Variants in P4HA3 observed in about 807,000 individuals in gnomAD.
The protein encoded by P4HA3 is prolyl 4-hydroxylase subunit alpha-3.
In P4HA3, 60 loss-of-function variants were observed where a neutral mutation model predicts 66.7. The ratio of observed to expected loss-of-function variants is 0.90; its 90% CI spans 0.73 to 1.12. P4HA3 has a LOEUF of 1.12. Ranked by LOEUF, P4HA3 falls within the 50% of genes most tolerant of loss-of-function variation. P4HA3 has a pLI of 0.00. For synonymous variants in P4HA3, 263 were observed against 274.6 expected (o/e 0.96, Z 0.42); for missense variants, 683 against 685.8 (o/e 1.00, Z 0.05).
At chr11:74,304,721 T>C (rs1712701841) in intron 1 of P4HA3, among the ~76,000 whole-genome samples, 1 of 152,136 alleles carries the variant, frequency 6.6e-6, no homozygotes, top group African/African-American at 2.4e-5. Context: ...CACAAAGTCT[T>C]TTTCTCCTGT....
chr11:74,289,170 A>G, intron 4 of P4HA3, 40 bp from the exon 5 acceptor site: 1 of 1,467,860 alleles, frequency 6.8e-7, no homozygotes, highest in South Asian at 1.3e-5. Flanking sequence ...CATTAACTTC[A>G]CTGAGGATAT....
At chr11:74,275,114 C>A (rs1270065814) in intron 9 of P4HA3, among the ~76,000 whole-genome samples, 1 of 152,062 alleles carries the variant, frequency 6.6e-6, no homozygotes, top group African/African-American at 2.4e-5. Flanking sequence ...AATATTTTCT[C>A]CTAGTTGGTG....
chr11:74,298,147 G>C lies in P4HA3; in HGVS notation c.717+65C>G, dbSNP rs1405414282. 2.6e-6 allele frequency: 4 copies of C among 1,536,212 alleles called. No homozygotes were observed. The African/African-American group carries it at 5.5e-5, about 21-fold the overall frequency. On this transcript the variant is annotated intron_variant, in intron 4 of 12. Coordinates refer to ENST00000331597, the MANE Select transcript of P4HA3 (RefSeq NM_182904.5). ...GAAGACATGAAAATACTTAGAAATT[G>C]TAAAGCAGCTATAAAGGATTTCACT...
intron 4 of P4HA3, among the ~76,000 whole-genome samples, chr11:74,290,745 A>C (rs533245456): frequency 6.6e-6 from 1 of 152,344 alleles, no homozygotes; most frequent in South Asian, 2.1e-4. Flanking sequence ...GTGAAAGATC[A>C]GATAGTTGTA....
chr11:74,256,663 T>G (rs2135692774), intron 15 of P4HA3, among the ~76,000 whole-genome samples: 1 of 152,102 alleles, frequency 6.6e-6, no homozygotes, highest in East Asian at 1.9e-4. Flanking sequence ...AAGAAGGAGA[T>G]CCCAGAATCC....
In P4HA3 at chr11:74,299,066, C is replaced by T. The variant is rs567227316; in HGVS notation, c.568-705G>A. Among the ~76,000 whole-genome samples the T allele has an allele frequency of 5.9e-4, 90 of 152,280 alleles. No individual in the cohort carries two copies. The East Asian group carries it at 0.01, about 18-fold the overall frequency. ...TGTCCTGTAAGAGCTTAAATCAAGA[C>T]GGGGCACATGAGTAAGCCAATAATT... On this transcript the variant is annotated intron_variant, in intron 3 of 12. Transcript: ENST00000331597.
rs746736666 is a variant in P4HA3 at position 74,286,331 on chromosome 11, C to T, written c.830G>A (p.Ser277Asn). 9 of 1,604,056 alleles carry T rather than the reference C, an allele frequency of 5.6e-6. No individual in the cohort carries two copies. In the East Asian group the frequency reaches 6.7e-5, roughly 12 times the overall value. ...VLKYERLLAE[S>N]PNHVVAEAVI... ...AGCCTCAGCTACCACGTGGTTGGGGCTCTCTGCCAAGAGCCTTTCATATTT... is the reference window on the plus strand; with the variant it reads ...AGCCTCAGCTACCACGTGGTTGGGGTTCTCTGCCAAGAGCCTTTCATATTT... The change falls in exon 6 of 13, where the codon AGC (serine) becomes AAC (asparagine). Residue 277 changes from serine to asparagine, a missense_variant. By Grantham distance (46) the Ser-to-Asn change is conservative. Coordinates refer to ENST00000331597, the MANE Select transcript of P4HA3 (RefSeq NM_182904.5).
At chr11:74,287,077 T>C in intron 5 of P4HA3, 2 of 1,162,716 alleles carry the variant, frequency 1.7e-6, no homozygotes, top group South Asian at 3.5e-5. Flanking sequence ...ACAGGGCCCT[T>C]GGGAAACCCA....
At position 74,268,250 on chromosome 11, in the gene P4HA3, A is replaced by G. The variant is rs1338966116; in HGVS notation, c.1468-9T>C. On this transcript the variant is annotated splice_polypyrimidine_tract_variant and intron_variant, in intron 11 of 12. Coordinates refer to ENST00000331597, the MANE Select transcript of P4HA3 (RefSeq NM_182904.5). ...CAAAACAGTGCTGCATTCTGAAACA[A>G]GAGGGCCCAGCCCCAGGGAGGGTCA... 1 of 1,611,654 alleles carries G rather than the reference A, an allele frequency of 6.2e-7. No individual in the cohort carries two copies. Among genetic ancestry groups the G allele is most frequent in the Non-Finnish European group, 8.5e-7 (1 of 1,178,618 alleles).
In P4HA3 at chr11:74,289,096, CGA is replaced by C. The variant is rs775890280; in HGVS notation, c.750_751del (p.Arg251GlyfsTer9). 18 of 1,580,126 alleles carry C rather than the reference CGA, an allele frequency of 1.1e-5. No homozygotes were observed. The highest frequency in any genetic ancestry group is 1.4e-5 in the Non-Finnish European group (16 of 1,165,800). On this transcript the variant is annotated frameshift_variant, in exon 5 of 13. Coordinates refer to ENST00000331597, the MANE Select transcript of P4HA3 (RefSeq NM_182904.5). LOFTEE classifies it high-confidence loss of function. Reference sequence around the variant, plus strand: ...TTACGTACTGTAGAGAAGAAACTCCCGAGAGAGGCTGAGGGCACACGAAACAT... The same window carrying C: ...TTACGTACTGTAGAGAAGAAACTCCCGAGAGGCTGAGGGCACACGAAACAT...
At chr11:74,279,568 CTTAA>C (rs1397186784) in intron 7 of P4HA3, 116 bp from the exon 8 acceptor site, 2 of 954,542 alleles carry the variant, frequency 2.1e-6, no homozygotes, top group Non-Finnish European at 3.4e-6. Context: ...CCAGTTCCTC[CTTAA>C]TTAGAGGACA....
downstream of P4HA3, among the ~76,000 whole-genome samples, chr11:74,265,315 T>G (rs1161268349): frequency 6.6e-6 from 1 of 152,178 alleles, no homozygotes; most frequent in Non-Finnish European, 1.5e-5. Flanking sequence ...TGGTGTGCTC[T>G]GCAGAAATCC....
chr11:74,277,290 A>T (rs1860433843), intron 8 of P4HA3, 146 bp from the exon 9 acceptor site: 8 of 1,058,304 alleles, frequency 7.6e-6, no homozygotes, highest in Non-Finnish European at 1.1e-5. Context: ...GAGGGAAGAC[A>T]GACATAAATG....
rs750961678 is a variant in P4HA3 at position 74,276,992 on chromosome 11, T to C, written c.1328A>G (p.His443Arg). 6.8e-6 allele frequency: 11 copies of C among 1,613,254 alleles called. 1 individual carries two copies. Among genetic ancestry groups the C allele is most frequent in the South Asian group, 6.6e-5 (6 of 90,994 alleles). Residue 443 changes from histidine (H) to arginine (R), a missense_variant, in exon 9 of 13, where the codon CAT becomes CGT. Physicochemically the swap from His to Arg is conservative, Grantham distance 29. Transcript: ENST00000331597. The part of the protein sequence containing the change: ...IGGHYEPHFD[H>R]ATSPSSPLYR... ...CATTGACTCCACCATTACCGTAGCA[T>C]GGTCAAAGTGAGGCTCATAGTGTCC...
chr11:74,282,139 A>AC (rs1276684814), intron 7 of P4HA3, among the ~76,000 whole-genome samples: 10 of 150,586 alleles, frequency 6.6e-5, no homozygotes, highest in African/African-American at 2.4e-4. Context: ...TTAAAAAAAA[A>AC]AAACAAAAAA....
At chr11:74,253,623 C>T in intron 15 of P4HA3, 1 of 1,233,244 alleles carries the variant, frequency 8.1e-7, no homozygotes, top group Admixed American at 1.7e-5. Flanking sequence ...GTGACACTGG[C>T]TCCCGGTAGA....
rs1417393080 is a variant in P4HA3, at chr11:74,267,302, T to C, written c.1581A>G (p.Ile527Met). 1 of 1,614,224 alleles carries C rather than the reference T, an allele frequency of 6.2e-7. No individual in the cohort carries two copies. Among genetic ancestry groups the C allele is most frequent in the South Asian group, 1.1e-5 (1 of 91,086 alleles). ...VGDKWVANKWIHEYGQEFRRP... is the reference protein window; with the variant it reads ...VGDKWVANKWMHEYGQEFRRP... The stretch of plus-strand genomic sequence containing the variant: ...TGCGGAATTCCTGTCCATACTCATG[T>C]ATCCACTTGTTGGCCACTGGGAGAG... Residue 527 changes from isoleucine to methionine, a missense_variant, in exon 13 of 13, where the codon ATA becomes ATG. Ile to Met is a conservative substitution (Grantham distance 10). Coordinates refer to ENST00000331597, the MANE Select transcript of P4HA3 (RefSeq NM_182904.5).
chr11:74,255,081 C>G (rs1440733955), intron 15 of P4HA3, among the ~76,000 whole-genome samples: 2 of 152,170 alleles, frequency 1.3e-5, no homozygotes, highest in Non-Finnish European at 2.9e-5. Flanking sequence ...CCTGTCTCTC[C>G]CAGATGACCA....
intron 14 of P4HA3, among the ~76,000 whole-genome samples, chr11:74,260,908 T>C (rs1859896015): frequency 1.3e-5 from 2 of 152,096 alleles, no homozygotes; most frequent in Admixed American, 1.3e-4. Context: ...TAATCATGTC[T>C]CACGACTTTG....
Sources: allele counts gnomAD v4.1 joint callset (sites outside exome capture counted in the v4.1 genomes callset), GRCh38; gene constraint gnomAD v4.1.1; transcripts MANE v1.5; gene names NCBI Gene and HGNC (gene_info 2026-07-23, HGNC 2026-07-21).